XPO4: variants seen among roughly 807,000 people sequenced by gnomAD.
XPO4 encodes the protein exportin 4, also known as exportin-4.
In XPO4, 39 loss-of-function variants were observed where a neutral mutation model predicts 143.0. That is an observed-to-expected ratio of 0.27 (90% CI 0.21 to 0.36). XPO4 has a LOEUF of 0.36. Among genes scored for constraint, XPO4 ranks in the 10% least tolerant of loss-of-function variants. The probability of loss-of-function intolerance (pLI) is 1.00; values close to 1 mark genes in which losing one functional copy is unlikely to be tolerated. For synonymous variants in XPO4, 439 were observed against 474.0 expected, an observed-to-expected ratio of 0.93 and a Z score of 0.96; for missense variants, 907 against 1,348.0, an observed-to-expected ratio of 0.67 and a Z score of 5.12.
chr13:20,851,148 T>C, intron 4 of XPO4: 1 of 985,380 alleles, frequency 1.0e-6, no homozygotes, highest in Non-Finnish European at 1.2e-6. Context: ...TACAAATTCT[T>C]AACAGTCCAA....
intron 4 of XPO4, chr13:20,850,429 G>A (rs1488911862): frequency 8.9e-6 from 2 of 224,120 alleles, no homozygotes; most frequent in Non-Finnish European, 1.5e-5. Flanking sequence ...ATACTACACT[G>A]CCCCTAAACC....
At chr13:20,901,175 C>A (rs1036391468) in intron 1 of XPO4, among the ~76,000 whole-genome samples, 3 of 152,184 alleles carry the variant, frequency 2.0e-5, no homozygotes, top group Non-Finnish European at 4.4e-5. Context: ...GTATGTAAAG[C>A]ATCAAGCCCA....
At chr13:20,878,211 T>C (rs1182176812) in intron 1 of XPO4, among the ~76,000 whole-genome samples, 1 of 152,152 alleles carries the variant, frequency 6.6e-6, no homozygotes, top group African/African-American at 2.4e-5. Flanking sequence ...GTTTGGGGTA[T>C]CATTATAAAC....
At position 20,825,156 on chromosome 13, in the gene XPO4, G is replaced by GT. The variant is rs547372356; in HGVS notation, c.840+1910dup. On this transcript the variant is annotated intron_variant, in intron 7 of 22. Coordinates refer to ENST00000255305, the MANE Select transcript of XPO4 (RefSeq NM_022459.5). ...TAGGAAGAAAACACAATGAAAGTGG[G>GT]TTTTTTTTCCAAGACCTTATAGAAG... Among the ~76,000 whole-genome samples the GT allele has an allele frequency of 4.6e-5, 7 of 151,844 alleles. 1 individual carries two copies. The highest frequency in any genetic ancestry group is 4.6e-4 in the Admixed American group (7 of 15,242).
intron 6 of XPO4, among the ~76,000 whole-genome samples, chr13:20,840,197 CTTTTA>C (rs547438353): frequency 1.4e-3 from 213 of 151,604 alleles, no homozygotes; most frequent in African/African-American, 4.2e-3. Flanking sequence ...GACAAATCAC[CTTTTA>C]TTTTATTTTA....
At chr13:20,852,024 G>GA in intron 4 of XPO4, 1 of 985,424 alleles carries the variant, frequency 1.0e-6, no homozygotes, top group Non-Finnish European at 1.2e-6. Flanking sequence ...GCTCATTCCT[G>GA]AGAGAGGCAA....
chr13:20,895,083 C>G (rs1350413130), intron 1 of XPO4, among the ~76,000 whole-genome samples: 1 of 151,830 alleles, frequency 6.6e-6, no homozygotes, highest in East Asian at 1.9e-4. Context: ...GAGGCTGAAG[C>G]AGGATAATTG....
intron 14 of XPO4, 113 bp downstream of exon 14, chr13:20,800,718 A>G (rs1555332114): frequency 7.5e-7 from 1 of 1,336,076 alleles, no homozygotes; most frequent in South Asian, 1.4e-5. Flanking sequence ...AGAAAATGTT[A>G]AACTGCTCTT....
chr13:20,819,691 T>C (rs1209911088), intron 9 of XPO4, among the ~76,000 whole-genome samples: 1 of 152,138 alleles, frequency 6.6e-6, no homozygotes, highest in Non-Finnish European at 1.5e-5. Context: ...TTATATACTT[T>C]TCCATCTCAG....
At chr13:20,838,692 G>T (rs933210283) in intron 6 of XPO4, among the ~76,000 whole-genome samples, 38 of 151,088 alleles carry the variant, frequency 2.5e-4, no homozygotes, top group African/African-American at 8.3e-4. Flanking sequence ...TGTGATGATA[G>T]ATCACTGCAA....
intron 4 of XPO4, chr13:20,851,941 G>A (rs1393338967): frequency 1.0e-6 from 1 of 985,238 alleles, no homozygotes; most frequent in Non-Finnish European, 1.2e-6. Flanking sequence ...CCAGGTTGCA[G>A]TGGGACTAGT....
At chr13:20,901,445 G>A (rs942244098) in intron 1 of XPO4, among the ~76,000 whole-genome samples, 3 of 152,098 alleles carry the variant, frequency 2.0e-5, no homozygotes, top group Admixed American at 2.0e-4. Context: ...TTTACAAAAC[G>A]CTCTATGTCA....
At chr13:20,789,425 C>T (rs1341237934) in intron 19 of XPO4, among the ~76,000 whole-genome samples, 3 of 142,844 alleles carry the variant, frequency 2.1e-5, no homozygotes, top group South Asian at 2.2e-4. Context: ...GACAGAGTCT[C>T]GCTCTGTCAC....
intron 6 of XPO4, among the ~76,000 whole-genome samples, chr13:20,841,084 T>C (rs548144858): frequency 1.9e-4 from 29 of 152,354 alleles, no homozygotes; most frequent in African/African-American, 7.0e-4. Context: ...CTCTACCAAC[T>C]GTATTTTCCC....
chr13:20,837,206 G>A (rs557695263), intron 6 of XPO4, among the ~76,000 whole-genome samples: 12 of 152,106 alleles, frequency 7.9e-5, no homozygotes, highest in Non-Finnish European at 1.6e-4. Context: ...GCTTGTGTGG[G>A]GCTGTCCCGT....
intron 19 of XPO4, 119 bp downstream of exon 19, chr13:20,790,343 C>A (rs755387843): frequency 6.7e-5 from 53 of 785,732 alleles, no homozygotes; most frequent in Non-Finnish European, 8.3e-5. Flanking sequence ...AAAATTGTAT[C>A]TTCATGTGCA....
Position 20,866,489 on chromosome 13 carries a change from G to A in XPO4, c.175+2107C>T, listed in dbSNP as rs1272068028. ...CAAGAATGTGAAAATTCTGAACTGC[G>A]ATTGACTGCCACTTGTATGAGAAGT... On this transcript the variant is annotated intron_variant, in intron 2 of 22. Coordinates refer to ENST00000255305, the MANE Select transcript of XPO4 (RefSeq NM_022459.5). 2.2e-5 allele frequency: 14 copies of A among 624,056 alleles called. No individual in the cohort carries two copies. In the Admixed American group the frequency reaches 3.1e-4, roughly 14 times the overall value. The allele number at this position is 624,056 out of a possible 1,614,324, so 38.7% of individuals were successfully genotyped here.
intron 18 of XPO4, 40 bp from the exon 19 acceptor site, chr13:20,790,620 C>A: frequency 6.7e-7 from 1 of 1,502,502 alleles, no homozygotes; most frequent in Non-Finnish European, 9.2e-7. Context: ...GTGGTAACAT[C>A]AATAAATCTT....
At chr13:20,812,650 A>G (rs886736406) in intron 9 of XPO4, among the ~76,000 whole-genome samples, 1 of 152,164 alleles carries the variant, frequency 6.6e-6, no homozygotes, top group African/African-American at 2.4e-5. Context: ...GGAAGAGGAC[A>G]TTGGGGGAAA....
Sources: gnomAD v4.1 joint callset for allele counts (sites outside exome capture counted in the v4.1 genomes callset) on GRCh38, gnomAD v4.1.1 for gene constraint, MANE v1.5 for transcripts, NCBI Gene and HGNC (gene_info 2026-07-23, HGNC 2026-07-21) for gene names.